Variants in PRELID2 observed in about 807,000 individuals in gnomAD.
PRELID2 encodes the protein PRELI domain-containing protein 2.
In PRELID2, 25 loss-of-function variants were observed where a neutral mutation model predicts 28.4. The ratio of observed to expected loss-of-function variants is 0.88; its 90% CI spans 0.64 to 1.23. The LOEUF (loss-of-function observed/expected upper bound fraction) is 1.23, where lower values mean the gene tolerates loss of function less well. PRELID2 is among the 50% of genes most tolerant of loss of function. The pLI is 0.00. For missense variants in PRELID2, 201 were observed against 214.4 expected, an observed-to-expected ratio of 0.94 and a Z score of 0.39; for synonymous variants, 76 against 71.6, an observed-to-expected ratio of 1.06 and a Z score of -0.31.
the PRELID2 span, among the ~76,000 whole-genome samples, chr5:145,441,756 T>C: frequency 3.3e-5 from 5 of 152,104 alleles, no homozygotes; most frequent in Admixed American, 2.0e-4. Context: ...ACATTGCCTC[T>C]GCAGTTTGCT....
chr5:145,825,670 T>TA (rs1755148377), intron 1 of PRELID2, among the ~76,000 whole-genome samples: 1 of 152,206 alleles, frequency 6.6e-6, no homozygotes, highest in African/African-American at 2.4e-5. Flanking sequence ...GAGAAATTCT[T>TA]AAACATTATA....
At chr5:145,440,487 ATG>A in the PRELID2 span, among the ~76,000 whole-genome samples, 1 of 152,098 alleles carries the variant, frequency 6.6e-6, no homozygotes, top group Non-Finnish European at 1.5e-5. Flanking sequence ...CTTGATTTAT[ATG>A]TGTTTTGTTT....
At chr5:145,826,146 C>T in intron 1 of PRELID2, 3 of 985,408 alleles carry the variant, frequency 3.0e-6, no homozygotes, top group Non-Finnish European at 3.6e-6. Context: ...GGGTGCTATC[C>T]TAGAGAAGCT....
chr5:145,675,994 T>G (rs1361596139), intron 1 of PRELID2, among the ~76,000 whole-genome samples: 3 of 146,984 alleles, frequency 2.0e-5, no homozygotes, highest in Non-Finnish European at 4.5e-5. Flanking sequence ...GCCAAGGCGG[T>G]TGGATCACCT....
the PRELID2 span, among the ~76,000 whole-genome samples, chr5:145,348,612 T>C: frequency 3.3e-5 from 5 of 152,044 alleles, no homozygotes; most frequent in Non-Finnish European, 7.4e-5. Context: ...TTTCCTTTTT[T>C]AGGATTTTTT....
At chr5:145,261,075 A>T in the PRELID2 span, among the ~76,000 whole-genome samples, 2 of 152,116 alleles carry the variant, frequency 1.3e-5, no homozygotes, top group East Asian at 3.9e-4. Context: ...GACCTATATG[A>T]TGCAGCAGAG....
chr5:145,725,931 C>T (rs1756132794), intron 1 of PRELID2, among the ~76,000 whole-genome samples: 1 of 152,116 alleles, frequency 6.6e-6, no homozygotes, highest in South Asian at 2.1e-4. Flanking sequence ...GCCTGTAATT[C>T]CAGCACTTTG....
At chr5:145,738,676 C>A (rs1756564908) in intron 1 of PRELID2, among the ~76,000 whole-genome samples, 1 of 152,038 alleles carries the variant, frequency 6.6e-6, no homozygotes, top group African/African-American at 2.4e-5. Flanking sequence ...GTAGACAGAG[C>A]TTCAAGATAT....
intron 1 of PRELID2, among the ~76,000 whole-genome samples, chr5:145,596,288 G>C (rs1753305419): frequency 6.6e-6 from 1 of 151,970 alleles, no homozygotes; most frequent in Admixed American, 6.6e-5. Context: ...AAGTTTATCA[G>C]AAGGGAGGTT....
chr5:145,563,626 T>C (rs554481086), intron 1 of PRELID2, among the ~76,000 whole-genome samples: 1 of 152,322 alleles, frequency 6.6e-6, no homozygotes, highest in South Asian at 2.1e-4. Context: ...CACTGCCTTT[T>C]CTTGACACTG....
chr5:145,803,037 A>T (rs1753243554), intron 4 of PRELID2, among the ~76,000 whole-genome samples: 1 of 152,178 alleles, frequency 6.6e-6, no homozygotes, highest in Admixed American at 6.6e-5. Flanking sequence ...TGGGAATCTA[A>T]TTAAAGTGTC....
chr5:145,297,199 A>C, the PRELID2 span, among the ~76,000 whole-genome samples: 1 of 152,006 alleles, frequency 6.6e-6, no homozygotes, highest in Non-Finnish European at 1.5e-5. Context: ...TAGTTTAATT[A>C]GATCCCATTT....
the PRELID2 span, among the ~76,000 whole-genome samples, chr5:145,390,428 C>G: frequency 6.6e-6 from 1 of 152,172 alleles, no homozygotes; most frequent in Non-Finnish European, 1.5e-5. Flanking sequence ...CCTCTCTTCA[C>G]AAGCTGGCAG....
intron 1 of PRELID2, among the ~76,000 whole-genome samples, chr5:145,598,482 T>C (rs935967667): frequency 2.6e-5 from 4 of 152,120 alleles, no homozygotes; most frequent in Non-Finnish European, 4.4e-5. Flanking sequence ...AACAAAAAAA[T>C]AGATAAATCT....
the PRELID2 span, among the ~76,000 whole-genome samples, chr5:145,340,851 A>G: frequency 1.3e-5 from 2 of 148,892 alleles, no homozygotes; most frequent in Admixed American, 1.4e-4. Flanking sequence ...TCTGGGGCCC[A>G]AGAACAGGCA....
At chr5:145,741,867 TAATA>T (rs1391485194) in intron 1 of PRELID2, among the ~76,000 whole-genome samples, 253 of 107,240 alleles carry the variant, frequency 2.4e-3, no homozygotes, top group Middle Eastern at 0.013. Flanking sequence ...TAATTTAATT[TAATA>T]AATAAATTTA....
At chr5:145,514,152 C>A (rs1752490776) in intron 1 of PRELID2, among the ~76,000 whole-genome samples, 2 of 151,954 alleles carry the variant, frequency 1.3e-5, no homozygotes, top group Admixed American at 6.6e-5. Context: ...ACAATATTAA[C>A]CTTAAATGTA....
chr5:145,537,277 T>C (rs1752707309), intron 1 of PRELID2, among the ~76,000 whole-genome samples: 1 of 151,840 alleles, frequency 6.6e-6, no homozygotes, highest in South Asian at 2.1e-4. Flanking sequence ...CTGTATAGAC[T>C]AGTAGGTGAT....
the PRELID2 span, among the ~76,000 whole-genome samples, chr5:145,444,570 T>C: frequency 1.3e-5 from 2 of 152,050 alleles, no homozygotes; most frequent in Non-Finnish European, 2.9e-5. Flanking sequence ...GCCACTGCTC[T>C]TTCCAGTTAG....
Sources: allele counts gnomAD v4.1 joint callset (sites outside exome capture counted in the v4.1 genomes callset), GRCh38; gene constraint gnomAD v4.1.1; transcripts MANE v1.5; gene names NCBI Gene and HGNC (gene_info 2026-07-23, HGNC 2026-07-21).